The following SMIM36 variants were observed in gnomAD, a reference collection of about 807,000 sequenced individuals.
SMIM36 encodes small integral membrane protein 36.
At chr17:55,530,764 C>G in the SMIM36 span, among the ~76,000 whole-genome samples, 1 of 150,844 alleles carries the variant, frequency 6.6e-6, no homozygotes, top group South Asian at 2.1e-4. Context: ...GCCTGGGTGA[C>G]AGAGCTAGAC....
At chr17:55,518,708 G>A in the SMIM36 span, among the ~76,000 whole-genome samples, 1 of 152,058 alleles carries the variant, frequency 6.6e-6, no homozygotes, top group African/African-American at 2.4e-5. Context: ...AAGTTGTTTC[G>A]TTTTTGTTTT....
intron 2 of SMIM36, 120 bp from the exon 3 acceptor site, chr17:55,478,933 C>T (rs1053878690): frequency 6.6e-6 from 1 of 152,212 alleles, no homozygotes; most frequent in Admixed American, 6.5e-5. Context: ...AACCCCTTTG[C>T]AGCAGCAGGG....
chr17:55,469,745 C>G (rs1038631655), intron 3 of SMIM36, among the ~76,000 whole-genome samples: 1 of 152,098 alleles, frequency 6.6e-6, no homozygotes, highest in African/African-American at 2.4e-5. Context: ...TTTGGGAGGC[C>G]GAGGTAGGCG....
the SMIM36 span, among the ~76,000 whole-genome samples, chr17:55,524,726 G>A: frequency 1.3e-5 from 2 of 152,052 alleles, no homozygotes; most frequent in Admixed American, 1.3e-4. Context: ...AAGAGAAAAT[G>A]GTATTCTATT....
At chr17:55,488,718 CT>C (rs1909650787) in intron 1 of SMIM36, among the ~76,000 whole-genome samples, 1 of 152,088 alleles carries the variant, frequency 6.6e-6, no homozygotes, top group Non-Finnish European at 1.5e-5. Flanking sequence ...CTTTATTCAT[CT>C]TTGTATACAC....
At chr17:55,531,654 T>TTTGAAAA in the SMIM36 span, among the ~76,000 whole-genome samples, 1 of 152,252 alleles carries the variant, frequency 6.6e-6, no homozygotes, top group Non-Finnish European at 1.5e-5. Context: ...AGTCTTAAAT[T>TTTGAAAA]GTGTTTGTCC....
chr17:55,453,881 T>C (rs1908970648), intron 4 of SMIM36, among the ~76,000 whole-genome samples: 1 of 152,208 alleles, frequency 6.6e-6, no homozygotes, highest in Non-Finnish European at 1.5e-5. Context: ...TTTCCCCTTT[T>C]GAGGATTAGT....
intron 1 of SMIM36, among the ~76,000 whole-genome samples, chr17:55,496,377 G>T (rs569398082): frequency 1.3e-5 from 2 of 152,222 alleles, no homozygotes; most frequent in East Asian, 3.9e-4. Context: ...TTAAATAATG[G>T]CTGAGTACAG....
chr17:55,485,901 A>G (rs11868220), intron 1 of SMIM36, among the ~76,000 whole-genome samples: 47,222 of 152,078 alleles, frequency 0.31, 7,873 homozygotes, highest in Non-Finnish European at 0.37. Flanking sequence ...GCATCCATAT[A>G]TATTCTTATC....
At chr17:55,478,057 A>G (rs1039862511) in intron 3 of SMIM36, among the ~76,000 whole-genome samples, 3 of 151,992 alleles carry the variant, frequency 2.0e-5, no homozygotes, top group Non-Finnish European at 4.4e-5. Context: ...TTAGCTGGGT[A>G]TGATGGTATG....
intron 1 of SMIM36, among the ~76,000 whole-genome samples, chr17:55,483,529 G>C (rs1340123323): frequency 6.6e-6 from 1 of 152,198 alleles, no homozygotes; most frequent in Non-Finnish European, 1.5e-5. Flanking sequence ...AAAAGCTTAA[G>C]AGACGAGGAC....
chr17:55,461,304 C>A (rs777193398), intron 4 of SMIM36, among the ~76,000 whole-genome samples: 50 of 152,262 alleles, frequency 3.3e-4, no homozygotes, highest in South Asian at 8.3e-4. Context: ...TCAAAATATC[C>A]TTGCTAAAAA....
At position 55,458,120 on chromosome 17, in the gene SMIM36, G is replaced by A. The variant is rs140918557; in HGVS notation, c.*532-7822C>T. 176 of 152,314 alleles carry A rather than the reference G, an allele frequency of 1.2e-3. 1 individual carries two copies. Among genetic ancestry groups the A allele is most frequent in the African/African-American group, 4.1e-3 (171 of 41,560 alleles). 9.4% of individuals were successfully genotyped at this position (152,314 alleles called of 1,614,324 possible). ...TTTGGGGGTATAAATTCTGTATTGT[G>A]AACCTGGATTATTGTTCTCTCTTTA... On this transcript the variant is annotated intron_variant, in intron 4 of 4. Coordinates refer to ENST00000636752, the Ensembl canonical transcript of SMIM36.
chr17:55,468,824 C>CT lies in SMIM36; in HGVS notation c.*348-1497dup, dbSNP rs1348933044. The stretch of plus-strand genomic sequence containing the variant: ...ACCTGACCTAAAACCTAAATGTCTT[C>CT]TTTTCTTCTGTAATACCGCTTGGCC... On this transcript the variant is annotated intron_variant, in intron 3 of 4. Coordinates refer to ENST00000636752, the Ensembl canonical transcript of SMIM36. Among the ~76,000 whole-genome samples, 14 of 152,276 alleles carry CT rather than the reference C, an allele frequency of 9.2e-5. No homozygotes were observed. The East Asian group carries it at 2.7e-3, about 29-fold the overall frequency.
At chr17:55,497,973 A>T (rs1392763766) in intron 1 of SMIM36, among the ~76,000 whole-genome samples, 1 of 152,178 alleles carries the variant, frequency 6.6e-6, no homozygotes, top group Non-Finnish European at 1.5e-5. Flanking sequence ...CATGTGGCTT[A>T]AATAATGGAA....
At chr17:55,501,683 T>C (rs1909984366) in intron 1 of SMIM36, among the ~76,000 whole-genome samples, 1 of 145,300 alleles carries the variant, frequency 6.9e-6, no homozygotes, top group Admixed American at 7.1e-5. Flanking sequence ...ATTTTATGGG[T>C]GTTTATATAT....
chr17:55,494,431 C>A (rs1432734429), intron 1 of SMIM36, among the ~76,000 whole-genome samples: 1 of 152,080 alleles, frequency 6.6e-6, no homozygotes, highest in East Asian at 1.9e-4. Context: ...GGATCAAGTT[C>A]TTGGCAAAGT....
the SMIM36 span, chr17:55,528,072 A>T: frequency 3.9e-5 from 6 of 152,264 alleles, no homozygotes; most frequent in South Asian, 1.2e-3. Flanking sequence ...TCTCTCCTTT[A>T]TATTCCAGAA....
At chr17:55,532,092 C>T in the SMIM36 span, among the ~76,000 whole-genome samples, 1 of 152,310 alleles carries the variant, frequency 6.6e-6, no homozygotes, top group South Asian at 2.1e-4. Flanking sequence ...TGTCTTTATG[C>T]CCCGTTATGC....
Sources: gnomAD v4.1 joint callset for allele counts (sites outside exome capture counted in the v4.1 genomes callset) on GRCh38, gnomAD v4.1.1 for gene constraint, MANE v1.5 for transcripts, NCBI Gene and HGNC (gene_info 2026-07-23, HGNC 2026-07-21) for gene names.